The following IGF2BP2 variants were observed in gnomAD, a reference collection of about 807,000 sequenced individuals.
IGF2BP2 encodes insulin-like growth factor 2 mRNA-binding protein 2.
IGF2BP2 carries 17 observed loss-of-function variants against 75.8 expected under a neutral mutation model. The observed-to-expected ratio is 0.22, with a 90% CI of 0.15 to 0.34. The LOEUF (loss-of-function observed/expected upper bound fraction) is 0.34, where lower values mean the gene tolerates loss of function less well. Ranked by LOEUF, IGF2BP2 falls within the 10% of genes least tolerant of loss-of-function variation. IGF2BP2 has a pLI of 1.00. For synonymous variants in IGF2BP2, 288 were observed against 295.6 expected (o/e 0.97, Z 0.26); for missense variants, 516 against 772.4 (o/e 0.67, Z 3.93).
chr3:185,674,729 A>C (rs1719033608), intron 9 of IGF2BP2, among the ~76,000 whole-genome samples: 1 of 152,144 alleles, frequency 6.6e-6, no homozygotes, highest in South Asian at 2.1e-4. Flanking sequence ...AAAAAATCCC[A>C]CTTTTCTAAT....
At chr3:185,727,783 T>A (rs1727566103) in intron 2 of IGF2BP2, among the ~76,000 whole-genome samples, 1 of 152,130 alleles carries the variant, frequency 6.6e-6, no homozygotes, top group African/African-American at 2.4e-5. Context: ...GCCCTCTCAA[T>A]ATTTAGAATC....
At chr3:185,767,159 C>A (rs1163467431) in intron 2 of IGF2BP2, among the ~76,000 whole-genome samples, 1 of 152,228 alleles carries the variant, frequency 6.6e-6, no homozygotes, top group Non-Finnish European at 1.5e-5. Flanking sequence ...GCTCTCTTGG[C>A]AGACCAGTTC....
intron 2 of IGF2BP2, among the ~76,000 whole-genome samples, chr3:185,804,408 G>A (rs1738708477): frequency 6.6e-6 from 1 of 151,384 alleles, no homozygotes; most frequent in Admixed American, 6.6e-5. Flanking sequence ...CTCCAGCCTA[G>A]GCGACAAGAG....
At position 185,680,898 on chromosome 3, in the gene IGF2BP2, T is replaced by TA. The variant is rs1236794045; in HGVS notation, c.813-4986dup. 1.7e-4 allele frequency among the ~76,000 whole-genome samples: 26 copies of TA among 152,224 alleles called. 1 individual carries two copies. The highest frequency in any genetic ancestry group is 3.6e-4 in the African/African-American group (15 of 41,518). ...TGACAAACTTAACACCCTTTCATGATAAAAAACACCCAACAAAATTAGGAA... is the reference window on the plus strand; with the variant it reads ...TGACAAACTTAACACCCTTTCATGATAAAAAAACACCCAACAAAATTAGGAA... On this transcript the variant is annotated intron_variant, in intron 7 of 15. Transcript: ENST00000382199.
intron 6 of IGF2BP2, chr3:185,688,970 GTC>G (rs1721531665): frequency 5.6e-6 from 1 of 180,044 alleles, no homozygotes; most frequent in South Asian, 1.4e-4. Context: ...TACCTATGTT[GTC>G]ACAAGAATGG....
At chr3:185,674,406 G>A (rs1050343183) in intron 9 of IGF2BP2, among the ~76,000 whole-genome samples, 8 of 152,314 alleles carry the variant, frequency 5.3e-5, no homozygotes, top group African/African-American at 1.9e-4. Flanking sequence ...ACTCCTCTGA[G>A]CTGAGCTGGA....
At chr3:185,814,728 T>TA (rs915582832) in intron 2 of IGF2BP2, among the ~76,000 whole-genome samples, 1 of 152,146 alleles carries the variant, frequency 6.6e-6, no homozygotes, top group African/African-American at 2.4e-5. Context: ...ATTTCATTGG[T>TA]GGTTTAACTG....
intron 10 of IGF2BP2, among the ~76,000 whole-genome samples, chr3:185,660,564 A>G (rs902465918): frequency 5.3e-5 from 8 of 152,142 alleles, no homozygotes; most frequent in African/African-American, 1.9e-4. Flanking sequence ...CTGTAGTGAG[A>G]GCCTTGCTTT....
chr3:185,697,540 C>A (rs990577034), intron 3 of IGF2BP2, among the ~76,000 whole-genome samples: 2 of 151,972 alleles, frequency 1.3e-5, no homozygotes, highest in Admixed American at 6.6e-5. Context: ...TAAGGCCACT[C>A]CTCATATTCT....
chr3:185,760,071 A>G (rs1311229600), intron 2 of IGF2BP2, among the ~76,000 whole-genome samples: 1 of 152,198 alleles, frequency 6.6e-6, no homozygotes, highest in African/African-American at 2.4e-5. Context: ...AACATTAACA[A>G]TGAAAAGCCA....
chr3:185,747,205 C>T (rs1408822229), intron 2 of IGF2BP2, among the ~76,000 whole-genome samples: 4 of 152,076 alleles, frequency 2.6e-5, no homozygotes, highest in Admixed American at 6.6e-5. Context: ...AAATAGCTAC[C>T]GTTTTACTGC....
At chr3:185,783,108 A>G (rs1735412357) in intron 2 of IGF2BP2, among the ~76,000 whole-genome samples, 1 of 152,234 alleles carries the variant, frequency 6.6e-6, no homozygotes, top group South Asian at 2.1e-4. Context: ...ATAAAAGGAT[A>G]GTGATAAGAT....
intron 2 of IGF2BP2, among the ~76,000 whole-genome samples, chr3:185,758,597 T>C (rs1319911217): frequency 1.3e-5 from 2 of 152,214 alleles, no homozygotes; most frequent in Non-Finnish European, 2.9e-5. Flanking sequence ...AGTAGTGATA[T>C]CTGTAATGTT....
intron 2 of IGF2BP2, among the ~76,000 whole-genome samples, chr3:185,769,223 G>T (rs1190365889): frequency 6.6e-6 from 1 of 151,820 alleles, no homozygotes; most frequent in Non-Finnish European, 1.5e-5. Context: ...GGCTGAGGAG[G>T]ATGGGAGGAT....
At chr3:185,811,531 T>C (rs1288968674) in intron 2 of IGF2BP2, among the ~76,000 whole-genome samples, 2 of 152,200 alleles carry the variant, frequency 1.3e-5, no homozygotes, top group African/African-American at 4.8e-5. Flanking sequence ...ACTTCAGATA[T>C]TTAACATAAG....
chr3:185,727,807 C>T (rs573652340), intron 2 of IGF2BP2, among the ~76,000 whole-genome samples: 21 of 152,140 alleles, frequency 1.4e-4, no homozygotes, highest in Non-Finnish European at 2.6e-4. Context: ...TCATGAGATA[C>T]TGGCAGCCCA....
intron 2 of IGF2BP2, among the ~76,000 whole-genome samples, chr3:185,766,872 G>C (rs1372062902): frequency 6.6e-6 from 1 of 152,192 alleles, no homozygotes; most frequent in Non-Finnish European, 1.5e-5. Flanking sequence ...CAAGGCCAGG[G>C]CTACACCCCA....
chr3:185,789,308 A>AC (rs1350813936), intron 2 of IGF2BP2, among the ~76,000 whole-genome samples: 1 of 152,180 alleles, frequency 6.6e-6, no homozygotes, highest in Non-Finnish European at 1.5e-5. Context: ...TGGGCATGTG[A>AC]CACAAGCTGA....
chr3:185,685,764 C>T (rs1249836002), intron 7 of IGF2BP2, among the ~76,000 whole-genome samples: 2 of 152,154 alleles, frequency 1.3e-5, no homozygotes, highest in Non-Finnish European at 2.9e-5. Flanking sequence ...GCCTCAGCCT[C>T]CTGAGTAGCC....
Sources: allele counts gnomAD v4.1 joint callset (sites outside exome capture counted in the v4.1 genomes callset), GRCh38; gene constraint gnomAD v4.1.1; transcripts MANE v1.5; gene names NCBI Gene and HGNC (gene_info 2026-07-23, HGNC 2026-07-21).